Variants in TJP2 observed in about 807,000 individuals in gnomAD.
TJP2 encodes Friedreich ataxia region gene X104 (tight junction protein ZO-2).
TJP2 carries 91 observed loss-of-function variants against 133.1 expected under a neutral mutation model. That is an observed-to-expected ratio of 0.68 (90% CI 0.58 to 0.81). TJP2 has a LOEUF of 0.81. Ranked by LOEUF, TJP2 falls within the 40% of genes least tolerant of loss-of-function variation. The pLI, the probability that TJP2 is intolerant of heterozygous loss-of-function variation, is 0.00. For synonymous variants in TJP2, 592 were observed against 583.4 expected (o/e 1.01, Z -0.21); for missense variants, 1,541 against 1,565.6 (o/e 0.98, Z 0.26).
At chr9:69,125,558 A>G (rs12336193) in intron 1 of TJP2, among the ~76,000 whole-genome samples, 2,238 of 74,470 alleles carry the variant, frequency 0.03, 827 homozygotes, top group African/African-American at 0.085. Flanking sequence ...CTCGGCTTCC[A>G]CCTTCCAAAG....
intron 1 of TJP2, among the ~76,000 whole-genome samples, chr9:69,189,178 T>C (rs1826048123): frequency 6.6e-6 from 1 of 152,126 alleles, no homozygotes; most frequent in Non-Finnish European, 1.5e-5. Flanking sequence ...GCCAGAACAT[T>C]CTGGTGATGG....
chr9:69,179,670 T>G (rs930461481), intron 1 of TJP2, among the ~76,000 whole-genome samples: 1 of 152,044 alleles, frequency 6.6e-6, no homozygotes, highest in African/African-American at 2.4e-5. Flanking sequence ...CGGCTAATTT[T>G]TTGTATTTTT....
chr9:69,199,813 A>T (rs2133114556), intron 1 of TJP2, among the ~76,000 whole-genome samples: 1 of 152,258 alleles, frequency 6.6e-6, no homozygotes, highest in South Asian at 2.1e-4. Context: ...CATGGAGACG[A>T]GGGTCTGGAG....
At chr9:69,174,162 A>C (rs924652531), upstream of TJP2, 3 of 1,272,822 alleles carry the variant, frequency 2.4e-6, no homozygotes, top group Non-Finnish European at 2.0e-6. Flanking sequence ...CCGGGCGGCC[A>C]GCGCGGAGGC....
intron 2 of TJP2, among the ~76,000 whole-genome samples, chr9:69,158,613 G>C (rs1587930886): frequency 1.3e-5 from 2 of 151,774 alleles, no homozygotes; most frequent in Admixed American, 6.6e-5. Context: ...TTCAAGACAG[G>C]GTCTTGCTCT....
intron 1 of TJP2, among the ~76,000 whole-genome samples, chr9:69,192,897 C>T (rs1826296908): frequency 6.8e-6 from 1 of 147,344 alleles, no homozygotes; most frequent in South Asian, 2.2e-4. Flanking sequence ...GTGCCAGGGT[C>T]TTCCTTTCTT....
At chr9:69,147,204 C>G (rs191630408) in intron 1 of TJP2, among the ~76,000 whole-genome samples, 1 of 152,232 alleles carries the variant, frequency 6.6e-6, no homozygotes, top group East Asian at 1.9e-4. Context: ...TAGCCTAGAC[C>G]TTAGTCTCAG....
At chr9:69,166,588 AT>A (rs1006421359) in intron 2 of TJP2, among the ~76,000 whole-genome samples, 3 of 150,930 alleles carry the variant, frequency 2.0e-5, no homozygotes, top group East Asian at 2.0e-4. Flanking sequence ...ACTAAAAATA[AT>A]TTTTTTTTCT....
chr9:69,199,463 G>A (rs1826831975), intron 1 of TJP2, among the ~76,000 whole-genome samples: 2 of 152,218 alleles, frequency 1.3e-5, no homozygotes, highest in Non-Finnish European at 2.9e-5. Context: ...CCAGGAGGTT[G>A]AGGCTGCAGT....
At chr9:69,162,666 A>G (rs1168779243) in intron 2 of TJP2, among the ~76,000 whole-genome samples, 2 of 152,242 alleles carry the variant, frequency 1.3e-5, no homozygotes. Flanking sequence ...CTCTATTCTT[A>G]TGTAGAAATA....
intron 2 of TJP2, among the ~76,000 whole-genome samples, chr9:69,213,636 A>G (rs1194968507): frequency 6.6e-6 from 1 of 152,232 alleles, no homozygotes; most frequent in Non-Finnish European, 1.5e-5. Flanking sequence ...GTGCCCAGGT[A>G]CCCAGACTTC....
chr9:69,213,863 G>A (rs1490212090), intron 2 of TJP2, among the ~76,000 whole-genome samples: 1 of 152,152 alleles, frequency 6.6e-6, no homozygotes, highest in East Asian at 1.9e-4. Flanking sequence ...CCGGCTGGTG[G>A]TGCTGCCAAA....
chr9:69,192,237 C>T (rs1826250619), intron 1 of TJP2, among the ~76,000 whole-genome samples: 2 of 151,022 alleles, frequency 1.3e-5, no homozygotes, highest in African/African-American at 4.9e-5. Context: ...TGCTCCAGCC[C>T]AGAAGTTTAA....
chr9:69,207,294 A>G (rs1218185492), intron 1 of TJP2, among the ~76,000 whole-genome samples: 3 of 152,226 alleles, frequency 2.0e-5, no homozygotes, highest in African/African-American at 4.8e-5. Context: ...GAGCTATATA[A>G]AAATGGTATC....
intron 1 of TJP2, among the ~76,000 whole-genome samples, chr9:69,185,096 G>T (rs6560618): frequency 1.4e-5 from 2 of 145,516 alleles, no homozygotes; most frequent in African/African-American, 5.1e-5. Flanking sequence ...GAGTCTTGCT[G>T]TGTTGCCCAG....
intron 1 of TJP2, among the ~76,000 whole-genome samples, chr9:69,178,163 A>G (rs759145622): frequency 6.6e-6 from 1 of 152,158 alleles, no homozygotes; most frequent in Non-Finnish European, 1.5e-5. Flanking sequence ...ATACCTAATC[A>G]TTTAATAAAG....
At chr9:69,173,574 T>G (rs1824810032), upstream of TJP2, among the ~76,000 whole-genome samples, 1 of 152,172 alleles carries the variant, frequency 6.6e-6, no homozygotes, top group South Asian at 2.1e-4. Flanking sequence ...AAAGTCCTGT[T>G]TTAATATTTA....
intron 5 of TJP2, among the ~76,000 whole-genome samples, chr9:69,222,817 C>G (rs905950824): frequency 6.6e-6 from 1 of 151,940 alleles, no homozygotes; most frequent in African/African-American, 2.4e-5. Context: ...ACCTGTAATC[C>G]CAGCACTATG....
chr9:69,205,035 T>C, intron 1 of TJP2: 1 of 1,433,664 alleles, frequency 7.0e-7, no homozygotes, highest in Non-Finnish European at 9.1e-7. Flanking sequence ...CTGTGTGAGA[T>C]GACAACAGGA....
Sources: gnomAD v4.1 joint callset for allele counts (sites outside exome capture counted in the v4.1 genomes callset) on GRCh38, gnomAD v4.1.1 for gene constraint, MANE v1.5 for transcripts, NCBI Gene and HGNC (gene_info 2026-07-23, HGNC 2026-07-21) for gene names.